KCNT2: variants seen among roughly 807,000 people sequenced by gnomAD.
KCNT2 encodes the protein potassium channel subfamily T member 2.
Under a neutral mutation model 153.8 loss-of-function variants are expected in KCNT2, and 67 were observed. That is an observed-to-expected ratio of 0.44 (90% CI 0.36 to 0.53). The LOEUF (loss-of-function observed/expected upper bound fraction) is 0.53. KCNT2 is among the 20% of genes least tolerant of loss of function. The pLI is 0.00. For synonymous variants in KCNT2, 500 were observed against 458.8 expected, an observed-to-expected ratio of 1.09 and a Z score of -1.15; for missense variants, 975 against 1,354.8, an observed-to-expected ratio of 0.72 and a Z score of 4.40.
At chr1:196,556,113 A>G (rs541174370) in intron 1 of KCNT2, among the ~76,000 whole-genome samples, 2 of 151,360 alleles carry the variant, frequency 1.3e-5, no homozygotes, top group South Asian at 4.1e-4. Flanking sequence ...TTGAGTAATA[A>G]CCCACAAGCA....
chr1:196,482,515 CGTT>C (rs1433410510), intron 3 of KCNT2, 136 bp from the exon 4 acceptor site: 1 of 510,568 alleles, frequency 2.0e-6, no homozygotes, highest in Non-Finnish European at 3.4e-6. Flanking sequence ...TTTGAAAAAA[CGTT>C]GTTGCCTTAG....
chr1:196,256,677 A>C (rs1312431203), intron 26 of KCNT2, among the ~76,000 whole-genome samples: 1 of 150,746 alleles, frequency 6.6e-6, no homozygotes, highest in Non-Finnish European at 1.5e-5. Flanking sequence ...ATTTTCCTCA[A>C]GTTTGACAGT....
At chr1:196,577,324 G>A (rs1661483512) in intron 1 of KCNT2, among the ~76,000 whole-genome samples, 1 of 152,148 alleles carries the variant, frequency 6.6e-6, no homozygotes, top group Non-Finnish European at 1.5e-5. Flanking sequence ...AGAAACAAAT[G>A]AGGTGAACCT....
intron 22 of KCNT2, among the ~76,000 whole-genome samples, chr1:196,289,451 C>T (rs1659984617): frequency 6.6e-6 from 1 of 152,044 alleles, no homozygotes; most frequent in Admixed American, 6.6e-5. Flanking sequence ...TAACACAATG[C>T]CTGGCACACA....
intron 13 of KCNT2, among the ~76,000 whole-genome samples, chr1:196,377,798 C>G (rs1669102455): frequency 6.6e-6 from 1 of 152,044 alleles, no homozygotes; most frequent in Non-Finnish European, 1.5e-5. Context: ...CATTCCCTTT[C>G]AGAGCCTTTA....
intron 26 of KCNT2, among the ~76,000 whole-genome samples, chr1:196,237,176 A>G (rs1309095007): frequency 6.6e-6 from 1 of 151,724 alleles, no homozygotes; most frequent in African/African-American, 2.4e-5. Flanking sequence ...TGACCCTGAT[A>G]AACAATTTGC....
chr1:196,255,903 A>T (rs1046666254), intron 26 of KCNT2, among the ~76,000 whole-genome samples: 13 of 151,892 alleles, frequency 8.6e-5, no homozygotes, highest in African/African-American at 3.1e-4. Flanking sequence ...AGAAAATATT[A>T]ACAATTTTAA....
At chr1:196,564,767 A>T (rs1659878898) in intron 1 of KCNT2, among the ~76,000 whole-genome samples, 1 of 151,928 alleles carries the variant, frequency 6.6e-6, no homozygotes, top group African/African-American at 2.4e-5. Flanking sequence ...TCTCTTCAAT[A>T]AATGGTGTTG....
chr1:196,380,702 T>C (rs1669404333), intron 13 of KCNT2, among the ~76,000 whole-genome samples: 1 of 152,226 alleles, frequency 6.6e-6, no homozygotes. Flanking sequence ...GTTTATTAAA[T>C]AGAACAACTG....
chr1:196,342,196 T>A lies in KCNT2; in HGVS notation c.1436A>T (p.Lys479Met). 1 of 1,611,612 alleles carries A rather than the reference T, an allele frequency of 6.2e-7. No individual in the cohort carries two copies. The highest frequency in any genetic ancestry group is 1.7e-4 in the Middle Eastern group (1 of 6,056). ...ATTCCCGGAGCATCTACCGTACATC[T>A]TCTGCCATTGTTCTGGCGATTGCTG... ...EGQQSPEQWQKMYGRCSGNEV... is the reference protein window; with the variant it reads ...EGQQSPEQWQMMYGRCSGNEV... The change falls in exon 15 of 28, where the codon AAG becomes ATG. Residue 479 changes from lysine to methionine, a missense_variant. Lys to Met is a moderately conservative substitution (Grantham distance 95, BLOSUM62 -1). Around this residue, in one of 6 missense-constraint regions of KCNT2, gnomAD observed 325 missense variants for 388.1 expected, o/e 0.84. Transcript: ENST00000294725.
intron 1 of KCNT2, among the ~76,000 whole-genome samples, chr1:196,570,145 C>T (rs149865359): frequency 6.8e-6 from 1 of 147,420 alleles, no homozygotes; most frequent in African/African-American, 2.7e-5. Context: ...TAGGCAAGGA[C>T]ATTTGAGACA....
At chr1:196,506,385 GT>G (rs1681146792) in intron 1 of KCNT2, among the ~76,000 whole-genome samples, 1 of 152,074 alleles carries the variant, frequency 6.6e-6, no homozygotes, top group Non-Finnish European at 1.5e-5. Flanking sequence ...AAAAACTGTG[GT>G]TCATCTATTT....
intron 1 of KCNT2, among the ~76,000 whole-genome samples, chr1:196,541,122 G>A (rs1656303592): frequency 1.4e-5 from 1 of 73,760 alleles, no homozygotes. Context: ...TATTCGTTCA[G>A]TAGGTGACTG....
chr1:196,255,107 A>G (rs1656349984), intron 26 of KCNT2, among the ~76,000 whole-genome samples: 1 of 151,682 alleles, frequency 6.6e-6, no homozygotes, highest in African/African-American at 2.4e-5. Flanking sequence ...TCAATAGATA[A>G]CAAAGAGCAA....
chr1:196,340,008 G>T (rs1048956872), intron 16 of KCNT2, among the ~76,000 whole-genome samples: 5 of 152,008 alleles, frequency 3.3e-5, no homozygotes, highest in African/African-American at 1.2e-4. Flanking sequence ...TTGTGTTTTT[G>T]TAATATCTTA....
intron 20 of KCNT2, 56 bp from the exon 21 acceptor site, chr1:196,316,082 T>G (rs2148020547): frequency 6.5e-7 from 1 of 1,541,824 alleles, no homozygotes; most frequent in Admixed American, 1.7e-5. Context: ...AATGTTATAA[T>G]CAGTGCTAAA....
chr1:196,369,727 G>A (rs1490098789), intron 14 of KCNT2, among the ~76,000 whole-genome samples: 1 of 151,970 alleles, frequency 6.6e-6, no homozygotes, highest in Non-Finnish European at 1.5e-5. Flanking sequence ...GTCTATCATT[G>A]TTGGACATTT....
rs187537778 is a variant in KCNT2, at chr1:196,340,374, T to C, written c.1750A>G (p.Arg584Gly). 3.1e-6 allele frequency: 5 copies of C among 1,610,976 alleles called. 1 individual carries two copies. The Admixed American group carries it at 8.4e-5, about 27-fold the overall frequency. ...GCAATTATGCTATGTACAGGTAATCTGGAAGGTCCATGATAAAACGACCTG... is the reference window on the plus strand; with the variant it reads ...GCAATTATGCTATGTACAGGTAATCCGGAAGGTCCATGATAAAACGACCTG... Reference protein sequence around the residue: ...VSRSFYHGPSRLPVHSIIASM... With the variant: ...VSRSFYHGPSGLPVHSIIASM... Residue 584 changes from arginine (R) to glycine (G), a missense_variant, in exon 16 of 28, where the codon AGA becomes GGA. Transcript: ENST00000294725.
chr1:196,455,516 C>T (rs535559382), intron 8 of KCNT2, among the ~76,000 whole-genome samples: 1 of 151,892 alleles, frequency 6.6e-6, no homozygotes, highest in East Asian at 2.0e-4. Flanking sequence ...AAACAGCATA[C>T]CTTCTTTTCC....
Sources: allele counts gnomAD v4.1 joint callset (sites outside exome capture counted in the v4.1 genomes callset), GRCh38; gene constraint gnomAD v4.1.1; regional missense constraint gnomAD v4.1.1; transcripts MANE v1.5; gene names NCBI Gene and HGNC (gene_info 2026-07-23, HGNC 2026-07-21).